SPTBN4: variants seen among roughly 807,000 people sequenced by gnomAD.
SPTBN4 encodes spectrin beta, non-erythrocytic 4.
In SPTBN4, 96 loss-of-function variants were observed where a neutral mutation model predicts 277.8. The observed-to-expected ratio is 0.35, with a 90% CI of 0.29 to 0.41. SPTBN4 has a LOEUF of 0.41. Ranked by LOEUF, SPTBN4 falls within the 10% of genes least tolerant of loss-of-function variation. The pLI is 1.00. For synonymous variants in SPTBN4, 1,481 were observed against 1,580.3 expected (o/e 0.94, Z 1.49); for missense variants, 3,006 against 3,595.7 (o/e 0.84, Z 4.19).
intron 4 of SPTBN4, among the ~76,000 whole-genome samples, chr19:40,492,611 C>G (rs1039308236): frequency 6.6e-6 from 1 of 152,186 alleles, no homozygotes; most frequent in South Asian, 2.1e-4. Flanking sequence ...GGGTCCCTCT[C>G]TCTGCCATGT....
At chr19:40,542,653 T>TC in intron 20 of SPTBN4, among the ~76,000 whole-genome samples, 1 of 128,720 alleles carries the variant, frequency 7.8e-6, no homozygotes, top group Non-Finnish European at 1.6e-5. Flanking sequence ...AACACCCTCC[T>TC]CCCCCCTGTT....
At chr19:40,498,736 C>G (rs1039508088) in intron 7 of SPTBN4, among the ~76,000 whole-genome samples, 1 of 151,774 alleles carries the variant, frequency 6.6e-6, no homozygotes, top group Non-Finnish European at 1.5e-5. Context: ...GGGTCTGGCT[C>G]TGTTGCCCAG....
chr19:40,556,864 G>A (rs1469142852), intron 25 of SPTBN4, among the ~76,000 whole-genome samples, 159 bp from the exon 26 acceptor site: 1 of 152,092 alleles, frequency 6.6e-6, no homozygotes, highest in Non-Finnish European at 1.5e-5. Context: ...GGAGGTGAAG[G>A]TTGCTGTAAG....
intron 20 of SPTBN4, among the ~76,000 whole-genome samples, chr19:40,546,825 G>GAGCA (rs1458115076): frequency 1.3e-5 from 2 of 152,152 alleles, no homozygotes; most frequent in Non-Finnish European, 2.9e-5. Flanking sequence ...CTGGATGACA[G>GAGCA]AGCAAGACCC....
intron 30 of SPTBN4, 46 bp from the exon 31 acceptor site, chr19:40,567,616 GC>G (rs1403849755): frequency 5.4e-6 from 3 of 551,352 alleles, no homozygotes; most frequent in Admixed American, 4.8e-5. Context: ...CCCTTACCCC[GC>G]CCCGGCCCCA....
In SPTBN4 at chr19:40,570,486, G is replaced by A; in HGVS notation, c.7077G>A (p.Gly2359=). The A allele has an allele frequency of 6.4e-7, 1 of 1,555,600 alleles. No individual in the cohort carries two copies. The highest frequency in any genetic ancestry group is 8.6e-7 in the Non-Finnish European group (1 of 1,160,074). The change falls in exon 33 of 36, where the codon GGG becomes GGA. Residue 2359 remains glycine (G), a synonymous_variant. Coordinates refer to ENST00000598249, the MANE Select transcript of SPTBN4 (RefSeq NM_020971.3). Reference sequence around the variant, plus strand: ...TTCCCCCAGGTCGCCTGCCCAACGGGCTTGAGCTGCCCGAGCGGACACCTC... The same window carrying A: ...TTCCCCCAGGTCGCCTGCCCAACGGACTTGAGCTGCCCGAGCGGACACCTC... ...RELPPGRLPN[G]LELPERTPRP... is the part of the protein sequence containing the mutation.
chr19:40,566,695 C>T (rs774919663), intron 30 of SPTBN4, among the ~76,000 whole-genome samples: 1 of 152,100 alleles, frequency 6.6e-6, no homozygotes, highest in African/African-American at 2.4e-5. Context: ...CCAGGTGTGA[C>T]GGCTCATGCC....
chr19:40,530,610 G>A, intron 18 of SPTBN4: 1 of 974,196 alleles, frequency 1.0e-6, no homozygotes, highest in South Asian at 4.7e-5. Flanking sequence ...GCGCCCAGGG[G>A]AGGGGGTTGG....
At chr19:40,557,505 T>C (rs1330351310) in intron 26 of SPTBN4, 102 bp downstream of exon 26, 12 of 1,395,334 alleles carry the variant, frequency 8.6e-6, no homozygotes, top group Non-Finnish European at 1.1e-5. Context: ...AATTAGGCAG[T>C]GGCACAGACA....
chr19:40,561,747 G>C (rs368440545), intron 27 of SPTBN4, among the ~76,000 whole-genome samples: 5 of 151,756 alleles, frequency 3.3e-5, no homozygotes, highest in Admixed American at 3.3e-4. Context: ...GCTTGAACCC[G>C]GGAGGTGGAG....
chr19:40,480,228 G>C (rs1470528920), intron 2 of SPTBN4, among the ~76,000 whole-genome samples: 1 of 142,502 alleles, frequency 7.0e-6, no homozygotes, highest in African/African-American at 2.7e-5. Context: ...TCCAGCCGGG[G>C]TTAACAGAGA....
chr19:40,505,052 G>C (rs942578985), intron 12 of SPTBN4, among the ~76,000 whole-genome samples: 13 of 150,778 alleles, frequency 8.6e-5, no homozygotes, highest in African/African-American at 3.2e-4. Flanking sequence ...AAGAGAGAGA[G>C]AGAGAGACCT....
Position 40,554,677 on chromosome 19 carries a change from T to TTC in SPTBN4, c.5084+31_5084+32insTC, listed in dbSNP as rs1219341522. The TTC allele has an allele frequency of 6.3e-7, 1 of 1,592,426 alleles. No homozygotes were observed. The highest frequency in any genetic ancestry group is 8.5e-7 in the Non-Finnish European group (1 of 1,170,682). On this transcript the variant is annotated intron_variant, in intron 24 of 35. Transcript: ENST00000598249. The surrounding 1 kb of genome is among the most constrained non-coding windows in gnomAD (Gnocchi z 5.7). ...CGGGCGCGTGGCCAGTTCACAGGAA[T>TTC]GGTCCAGCAGGACCTGAAGCTTCGC...
At chr19:40,470,596 T>A (rs2079873618) in intron 1 of SPTBN4, among the ~76,000 whole-genome samples, 1 of 151,710 alleles carries the variant, frequency 6.6e-6, no homozygotes, top group Non-Finnish European at 1.5e-5. Flanking sequence ...TATGAGCCAC[T>A]GTGCCTGCCC....
chr19:40,481,900 C>T (rs1291403413), intron 2 of SPTBN4, among the ~76,000 whole-genome samples: 1 of 151,252 alleles, frequency 6.6e-6, no homozygotes, highest in African/African-American at 2.4e-5. Flanking sequence ...CATTTATTGG[C>T]CATTCAAATA....
intron 3 of SPTBN4, among the ~76,000 whole-genome samples, chr19:40,488,157 G>A (rs1003011092): frequency 6.6e-6 from 1 of 152,082 alleles, no homozygotes; most frequent in Non-Finnish European, 1.5e-5. Context: ...GGCTATTAGA[G>A]AAGGGAGGAG....
chr19:40,478,892 C>T (rs2079978322), intron 2 of SPTBN4, among the ~76,000 whole-genome samples: 1 of 152,142 alleles, frequency 6.6e-6, no homozygotes, highest in Non-Finnish European at 1.5e-5. Flanking sequence ...GCTTAAATCT[C>T]CCATGCTTAG....
chr19:40,514,640 C>T lies in SPTBN4; in HGVS notation c.2766-671C>T, dbSNP rs187930405. ...GAAGGTATACAGTAGGCTTTGAGGTCGAAGACAGGTTCAAAAGGTAAGAGG... is the reference window on the plus strand; with the variant it reads ...GAAGGTATACAGTAGGCTTTGAGGTTGAAGACAGGTTCAAAAGGTAAGAGG... On this transcript the variant is annotated intron_variant, in intron 14 of 35. Coordinates refer to ENST00000598249, the MANE Select transcript of SPTBN4 (RefSeq NM_020971.3). 1.3e-3 allele frequency among the ~76,000 whole-genome samples: 195 copies of T among 152,080 alleles called. 1 individual carries two copies. The highest frequency in any genetic ancestry group is 4.4e-3 in the African/African-American group (184 of 41,480).
At chr19:40,518,053 C>T (rs1178009012) in intron 15 of SPTBN4, among the ~76,000 whole-genome samples, 1 of 152,180 alleles carries the variant, frequency 6.6e-6, no homozygotes, top group East Asian at 1.9e-4. Flanking sequence ...CGCCTGTAAT[C>T]CTAGCATTTT....
Sources: allele counts gnomAD v4.1 joint callset (sites outside exome capture counted in the v4.1 genomes callset), GRCh38; gene constraint gnomAD v4.1.1; non-coding constraint Gnocchi (gnomAD v3.1); transcripts MANE v1.5; gene names NCBI Gene and HGNC (gene_info 2026-07-23, HGNC 2026-07-21).